TRMT11: variants seen among roughly 807,000 people sequenced by gnomAD.
TRMT11 encodes tRNA methyltransferase 11, also known as tRNA (guanine(10)-N(2))-methyltransferase TRMT11.
A neutral mutation model predicts 62.8 loss-of-function variants in TRMT11; 53 were observed. The observed-to-expected ratio is 0.84, with a 90% confidence interval of 0.68 to 1.06. The LOEUF (loss-of-function observed/expected upper bound fraction) is 1.06. Ranked by LOEUF, TRMT11 falls within the 50% of genes least tolerant of loss-of-function variation. The probability of loss-of-function intolerance (pLI) is 0.00; values close to 1 mark genes in which losing one functional copy is unlikely to be tolerated. For synonymous variants in TRMT11, 188 were observed against 190.3 expected (o/e 0.99, Z 0.10); for missense variants, 556 against 553.4 (o/e 1.00, Z -0.05).
At chr6:126,238,631 C>T in the TRMT11 span, among the ~76,000 whole-genome samples, 2 of 151,270 alleles carry the variant, frequency 1.3e-5, no homozygotes, top group East Asian at 1.9e-4. Context: ...TTACTTCCAA[C>T]TATGTGGTCA....
At chr6:125,998,404 G>C (rs768815803) in intron 5 of TRMT11, 89 bp downstream of exon 5, 11 of 1,242,096 alleles carry the variant, frequency 8.9e-6, no homozygotes, top group Non-Finnish European at 1.2e-5. Flanking sequence ...TCTGTGAAGT[G>C]TTTATTTTGT....
At position 125,986,650 on chromosome 6, in the gene TRMT11, C is replaced by A. The variant is rs1262163789; in HGVS notation, c.72+28C>A. The A allele has an allele frequency of 2.6e-6, 4 of 1,563,636 alleles. No individual in the cohort carries two copies. The African/African-American group carries it at 5.4e-5, about 21-fold the overall frequency. On this transcript the variant is annotated intron_variant, in intron 1 of 12. Coordinates refer to ENST00000334379, the MANE Select transcript of TRMT11 (RefSeq NM_001031712.3). Reference sequence around the variant, plus strand: ...GAGTCCGTAGCGCCCTCCGGAACTTCCGACGGAAGAGGACGCTGGAGTGGA... The same window carrying A: ...GAGTCCGTAGCGCCCTCCGGAACTTACGACGGAAGAGGACGCTGGAGTGGA...
intron 17 of TRMT11, among the ~76,000 whole-genome samples, chr6:126,095,053 A>G (rs1472874776): frequency 6.6e-6 from 1 of 152,170 alleles, no homozygotes; most frequent in East Asian, 1.9e-4. Context: ...GAACTATGAA[A>G]CTCAGAGATT....
At chr6:126,267,222 G>A in the TRMT11 span, among the ~76,000 whole-genome samples, 1 of 152,122 alleles carries the variant, frequency 6.6e-6, no homozygotes, top group Non-Finnish European at 1.5e-5. Flanking sequence ...TGGCAATAAT[G>A]CTTTTATTTC....
intron 17 of TRMT11, among the ~76,000 whole-genome samples, chr6:126,102,706 G>T (rs1471063923): frequency 6.6e-6 from 1 of 152,068 alleles, no homozygotes; most frequent in African/African-American, 2.4e-5. Flanking sequence ...CTGACTTAAA[G>T]GGTCTGGTAT....
At chr6:126,107,896 C>T (rs936116462) in intron 17 of TRMT11, among the ~76,000 whole-genome samples, 124 of 152,272 alleles carry the variant, frequency 8.1e-4, no homozygotes, top group African/African-American at 2.7e-3. Context: ...TGCTCACTGG[C>T]TTCTCACAAA....
rs572812243 is a variant in TRMT11 at position 126,185,438 on chromosome 6, A to G, written n.143+8103A>G. On this transcript the variant is annotated intron_variant and non_coding_transcript_variant, in intron 1 of 3. Coordinates refer to the TRMT11 transcript ENST00000444229. ...GTCCTGGCCCCAGACTATTCTTAACATCCACCTAAAATACATATTGCATAT... is the reference window on the plus strand; with the variant it reads ...GTCCTGGCCCCAGACTATTCTTAACGTCCACCTAAAATACATATTGCATAT... 5.3e-5 allele frequency among the ~76,000 whole-genome samples: 8 copies of G among 151,912 alleles called. No homozygotes were observed. In the South Asian group the frequency reaches 8.3e-4, roughly 16 times the overall value.
At chr6:126,242,753 C>A in the TRMT11 span, among the ~76,000 whole-genome samples, 1 of 152,136 alleles carries the variant, frequency 6.6e-6, no homozygotes, top group Non-Finnish European at 1.5e-5. Context: ...GAAACTGGAC[C>A]CCTTCCTTAC....
intron 17 of TRMT11, among the ~76,000 whole-genome samples, chr6:126,084,692 A>T (rs1436187656): frequency 1.3e-5 from 2 of 152,186 alleles, no homozygotes; most frequent in Non-Finnish European, 2.9e-5. Context: ...TCTTATATTT[A>T]GGTCTTTTAC....
Position 126,168,563 on chromosome 6 carries a change from G to A in TRMT11, c.*1824-6262G>A, listed in dbSNP as rs189883754. ...AGAAGGAGTCTTGCTCTGTCACCCA[G>A]GCTGGAGTGCAGTGGCGCGATCTTG... On this transcript the variant is annotated intron_variant and NMD_transcript_variant, in intron 21 of 22. Transcript: ENST00000648977. Among the ~76,000 whole-genome samples, 247 of 152,338 alleles carry A rather than the reference G, an allele frequency of 1.6e-3. 1 individual carries two copies. The highest frequency in any genetic ancestry group is 5.7e-3 in the African/African-American group (238 of 41,574).
chr6:126,119,179 T>G (rs1777621473), intron 21 of TRMT11, among the ~76,000 whole-genome samples: 1 of 152,090 alleles, frequency 6.6e-6, no homozygotes, highest in Non-Finnish European at 1.5e-5. Flanking sequence ...TAGATAAACA[T>G]GTGAATGGGT....
chr6:126,101,980 A>G (rs946232207), intron 17 of TRMT11, among the ~76,000 whole-genome samples: 1 of 152,222 alleles, frequency 6.6e-6, no homozygotes, highest in Admixed American at 6.5e-5. Flanking sequence ...TGTAAATACC[A>G]TCAGCTAACC....
At chr6:126,111,300 A>G (rs1777528264) in intron 17 of TRMT11, among the ~76,000 whole-genome samples, 1 of 152,088 alleles carries the variant, frequency 6.6e-6, no homozygotes, top group Non-Finnish European at 1.5e-5. Context: ...TGCAAGGAAA[A>G]CTGAGGGGAT....
chr6:126,055,801 A>G (rs952025610), intron 17 of TRMT11, among the ~76,000 whole-genome samples: 4 of 152,188 alleles, frequency 2.6e-5, no homozygotes, highest in African/African-American at 7.2e-5. Flanking sequence ...ATAAAGTTCT[A>G]TAGTCCATTT....
chr6:126,131,391 T>G (rs1190509035), intron 21 of TRMT11, among the ~76,000 whole-genome samples: 1 of 151,966 alleles, frequency 6.6e-6, no homozygotes, highest in Non-Finnish European at 1.5e-5. Context: ...AGCTATAGAG[T>G]GTTTGCTCCC....
At chr6:126,167,715 A>G (rs986924581) in intron 21 of TRMT11, among the ~76,000 whole-genome samples, 2 of 152,202 alleles carry the variant, frequency 1.3e-5, no homozygotes, top group African/African-American at 4.8e-5. Context: ...GTGCCTATGG[A>G]TAATCATTAG....
rs545045663 is a variant in TRMT11, at chr6:126,052,038, G to T, written c.*1370-1085G>T. Reference sequence around the variant, plus strand: ...AGAATTGACATGACCCAATACTCTTGAGACTGGATCAGGCCATTCCAAGTT... The same window carrying T: ...AGAATTGACATGACCCAATACTCTTTAGACTGGATCAGGCCATTCCAAGTT... On this transcript the variant is annotated intron_variant and NMD_transcript_variant, in intron 16 of 22. Coordinates refer to the TRMT11 transcript ENST00000648977. Among the ~76,000 whole-genome samples, 8 of 152,270 alleles carry T rather than the reference G, an allele frequency of 5.3e-5. No individual in the cohort carries two copies. In the South Asian group the frequency reaches 1.7e-3, roughly 32 times the overall value.
Position 126,038,957 on chromosome 6 carries a change from C to CTACAAAG in TRMT11, c.*124_*130dup, listed in dbSNP as rs1775725854. 1 of 839,484 alleles carries CTACAAAG rather than the reference C, an allele frequency of 1.2e-6. No homozygotes were observed. The highest frequency in any genetic ancestry group is 1.8e-5 in the African/African-American group (1 of 56,524). 52.0% of individuals were successfully genotyped at this position (839,484 alleles called of 1,614,324 possible). ...TTTTAAAATATTTTATATAGAAAAGCTACAAAGTAAATTGAGCAATGCTTT... is the reference window on the plus strand; with the variant it reads ...TTTTAAAATATTTTATATAGAAAAGCTACAAAGTACAAAGTAAATTGAGCAATGCTTT... On this transcript the variant is annotated 3_prime_UTR_variant, in exon 13 of 13. Coordinates refer to ENST00000334379, the MANE Select transcript of TRMT11 (RefSeq NM_001031712.3).
At chr6:126,083,344 T>G (rs1479006878) in intron 17 of TRMT11, among the ~76,000 whole-genome samples, 1 of 152,162 alleles carries the variant, frequency 6.6e-6, no homozygotes, top group African/African-American at 2.4e-5. Context: ...AGCATTAATA[T>G]CTTTTGCTCT....
Sources: gnomAD v4.1 joint callset for allele counts (sites outside exome capture counted in the v4.1 genomes callset) on GRCh38, gnomAD v4.1.1 for gene constraint, MANE v1.5 for transcripts, NCBI Gene and HGNC (gene_info 2026-07-23, HGNC 2026-07-21) for gene names.